The following ZNF469 variants were observed in gnomAD, a reference collection of about 807,000 sequenced individuals.
ZNF469 encodes zinc finger protein 469.
Under a neutral mutation model 1.0 loss-of-function variants are expected in ZNF469, and 1 was observed. That is an observed-to-expected ratio of 1.00 (90% confidence interval 0.35 to 4.73). The LOEUF (loss-of-function observed/expected upper bound fraction) is 4.73, where lower values mean the gene tolerates loss of function less well. Ranked by LOEUF, ZNF469 falls within the 30% of genes most tolerant of loss-of-function variation. The pLI, the probability that ZNF469 is intolerant of heterozygous loss-of-function variation, is 0.16. For missense variants in ZNF469, 6,100 were observed against 5,356.3 expected (o/e 1.14, Z -4.33); for synonymous variants, 2,703 against 2,363.4 (o/e 1.14, Z -4.17).
chr16:88,385,011 TGGCTGCCTTTGGATAATTTTAA>T (rs1170608341), intron 1 of ZNF469, among the ~76,000 whole-genome samples: 2 of 152,144 alleles, frequency 1.3e-5, no homozygotes. Flanking sequence ...CTGTTACACA[TGGCTGCCTTTGGATAATTTTAA>T]TAGGGATGGT....
chr16:88,215,203 A>G, the ZNF469 span, among the ~76,000 whole-genome samples: 1 of 151,904 alleles, frequency 6.6e-6, no homozygotes, highest in Admixed American at 6.6e-5. Flanking sequence ...CTTTAATGTA[A>G]TTACTGAAAT....
chr16:88,338,352 A>C, the ZNF469 span, among the ~76,000 whole-genome samples: 4 of 152,308 alleles, frequency 2.6e-5, no homozygotes, highest in African/African-American at 9.6e-5. Context: ...CCCCGGCAAG[A>C]GAGGAGTCTG....
the ZNF469 span, among the ~76,000 whole-genome samples, chr16:88,199,771 ACTCT>A: frequency 1.3e-5 from 2 of 151,838 alleles, no homozygotes; most frequent in Admixed American, 6.6e-5. Flanking sequence ...CCATTCCAGC[ACTCT>A]CTGTGTGGCT....
chr16:88,438,736 C>G lies in ZNF469; in HGVS notation c.11266C>G (p.Gln3756Glu), dbSNP rs1335154426. ...GGSQPQPASG[Q>E]LQSETATTPA... ...CAGCCAGCCCCAGCCAGCCAGCGGG[C>G]AGCTCCAGAGCGAGACAGCCACCAC... The change falls in exon 3 of 3, where the codon CAG becomes GAG. Residue 3756 changes from glutamine to glutamate, a missense_variant. Coordinates refer to ENST00000565624, the MANE Select transcript of ZNF469 (RefSeq NM_001367624.2). 6.5e-7 allele frequency: 1 copy of G among 1,550,078 alleles called. No homozygotes were observed. The highest frequency in any genetic ancestry group is 1.2e-5 in the South Asian group (1 of 84,040).
chr16:88,224,081 A>G, the ZNF469 span, among the ~76,000 whole-genome samples: 1 of 152,348 alleles, frequency 6.6e-6, no homozygotes, highest in East Asian at 1.9e-4. Flanking sequence ...ATAAAATAAA[A>G]CAAAACACGC....
the ZNF469 span, among the ~76,000 whole-genome samples, chr16:88,366,110 TCATCATCAC>T: frequency 3.4e-3 from 514 of 149,062 alleles, 4 homozygotes; most frequent in African/African-American, 0.012. Flanking sequence ...ATCATCACCA[TCATCATCAC>T]CATCATCACC....
At chr16:88,423,210 G>A (rs1225048297) in intron 1 of ZNF469, among the ~76,000 whole-genome samples, 2 of 131,090 alleles carry the variant, frequency 1.5e-5, no homozygotes, top group African/African-American at 5.5e-5. Flanking sequence ...TGGGTGGGTA[G>A]ATGGATGGAT....
the ZNF469 span, among the ~76,000 whole-genome samples, chr16:88,188,051 T>A: frequency 6.6e-6 from 1 of 152,052 alleles, no homozygotes; most frequent in African/African-American, 2.4e-5. Context: ...ATCTCCACTT[T>A]GGAGCTCAGG....
chr16:88,395,073 A>C (rs1904615699), intron 1 of ZNF469, among the ~76,000 whole-genome samples: 1 of 152,224 alleles, frequency 6.6e-6, no homozygotes, highest in African/African-American at 2.4e-5. Context: ...GCAAGGAGTG[A>C]ATCAGCCCCA....
chr16:88,186,075 C>G, the ZNF469 span, among the ~76,000 whole-genome samples: 1 of 152,266 alleles, frequency 6.6e-6, no homozygotes, highest in Non-Finnish European at 1.5e-5. Flanking sequence ...TACCTACACT[C>G]TGAGCTCCCG....
upstream of ZNF469, among the ~76,000 whole-genome samples, chr16:88,380,209 A>T (rs2092517390): frequency 6.6e-6 from 1 of 151,662 alleles, no homozygotes; most frequent in Non-Finnish European, 1.5e-5. Context: ...ACATGCACTC[A>T]CACACAAATG....
the ZNF469 span, among the ~76,000 whole-genome samples, chr16:88,293,023 A>C: frequency 1.3e-5 from 2 of 152,220 alleles, no homozygotes; most frequent in South Asian, 4.1e-4. Flanking sequence ...GGCCTCTACC[A>C]GCAGCCAGAA....
At chr16:88,131,262 A>G in the ZNF469 span, among the ~76,000 whole-genome samples, 1 of 152,208 alleles carries the variant, frequency 6.6e-6, no homozygotes, top group Non-Finnish European at 1.5e-5. Flanking sequence ...TCAGCCAGGG[A>G]CTGTTGAAAA....
At chr16:88,296,539 TACAC>T in the ZNF469 span, among the ~76,000 whole-genome samples, 4 of 142,022 alleles carry the variant, frequency 2.8e-5, no homozygotes, top group African/African-American at 5.4e-5. Context: ...CAGGTGCACA[TACAC>T]ACATATATGC....
chr16:88,151,050 G>A, the ZNF469 span, among the ~76,000 whole-genome samples: 393 of 152,344 alleles, frequency 2.6e-3, 4 homozygotes, highest in African/African-American at 8.9e-3. This position sits in a 1 kb window ranked among gnomAD's most constrained non-coding sequence, Gnocchi z 5.4. Flanking sequence ...GAAGTGACAC[G>A]CGACTCCAGA....
chr16:88,413,932 G>A (rs1905241129), intron 1 of ZNF469, among the ~76,000 whole-genome samples: 1 of 152,216 alleles, frequency 6.6e-6, no homozygotes, highest in African/African-American at 2.4e-5. Flanking sequence ...CTTAGAGACA[G>A]TGACCCTGAG....
In ZNF469 at chr16:88,427,925, C is replaced by T. The variant is rs1412045916; in HGVS notation, c.455C>T (p.Thr152Ile). ...LEAAQLPEVDTPQGPGTGAPL... is the reference protein window; with the variant it reads ...LEAAQLPEVDIPQGPGTGAPL... ...GCTGCCCAGCTCCCTGAGGTGGACA[C>T]CCCCCAGGGCCCTGGGACTGGAGCT... Residue 152 changes from threonine to isoleucine, a missense_variant, in exon 3 of 3, where the codon ACC becomes ATC. Coordinates refer to ENST00000565624, the MANE Select transcript of ZNF469 (RefSeq NM_001367624.2). 6 of 1,549,862 alleles carry T rather than the reference C, an allele frequency of 3.9e-6. No individual in the cohort carries two copies. Among genetic ancestry groups the T allele is most frequent in the African/African-American group, 2.7e-5 (2 of 73,138 alleles).
the ZNF469 span, among the ~76,000 whole-genome samples, chr16:88,244,621 A>G: frequency 2.0e-5 from 3 of 151,322 alleles, no homozygotes; most frequent in East Asian, 1.9e-4. Context: ...AGATGGATGT[A>G]TAAGTGAAAG....
the ZNF469 span, among the ~76,000 whole-genome samples, chr16:88,139,632 C>A: frequency 2.0e-5 from 3 of 150,514 alleles, no homozygotes; most frequent in African/African-American, 4.9e-5. Context: ...GGATCTGAAA[C>A]CTTTTTGTCC....
Sources: gnomAD v4.1 joint callset for allele counts (sites outside exome capture counted in the v4.1 genomes callset) on GRCh38, gnomAD v4.1.1 for gene constraint, Gnocchi (gnomAD v3.1) non-coding constraint, MANE v1.5 for transcripts, NCBI Gene and HGNC (gene_info 2026-07-23, HGNC 2026-07-21) for gene names.